DTWD2: variants seen among roughly 807,000 people sequenced by gnomAD.
DTWD2 encodes tRNA-uridine aminocarboxypropyltransferase 2.
DTWD2 carries 39 observed loss-of-function variants against 31.8 expected under a neutral mutation model. That is an observed-to-expected ratio of 1.22 (90% CI 0.95 to 1.60). The LOEUF is 1.60. Ranked by LOEUF, DTWD2 falls within the 40% of genes most tolerant of loss-of-function variation. The pLI, the probability that DTWD2 is intolerant of heterozygous loss-of-function variation, is 0.00. For missense variants in DTWD2, 515 were observed against 381.5 expected (o/e 1.35, Z -2.92); for synonymous variants, 180 against 142.8 (o/e 1.26, Z -1.86).
intron 4 of DTWD2, among the ~76,000 whole-genome samples, chr5:118,852,628 A>T (rs1429576302): frequency 1.3e-5 from 2 of 152,210 alleles, no homozygotes. Flanking sequence ...TGGGAATGTA[A>T]ATTAATTCAG....
intron 1 of DTWD2, among the ~76,000 whole-genome samples, chr5:118,975,110 G>A (rs1755120159): frequency 6.6e-6 from 1 of 152,164 alleles, no homozygotes; most frequent in South Asian, 2.1e-4. Context: ...ATAATATCCT[G>A]AAGAGTGTTT....
chr5:118,903,671 T>C lies in DTWD2; in HGVS notation c.597+24866A>G, dbSNP rs536969580. On this transcript the variant is annotated intron_variant, in intron 4 of 5. Transcript: ENST00000510708. ...CCCACATATGTTCTTTAAAAGCTCATTAAGTATTACAAACATTATGTTCCG... is the reference window on the plus strand; with the variant it reads ...CCCACATATGTTCTTTAAAAGCTCACTAAGTATTACAAACATTATGTTCCG... 3.3e-5 allele frequency among the ~76,000 whole-genome samples: 5 copies of C among 152,076 alleles called. No individual in the cohort carries two copies. The East Asian group carries it at 9.6e-4, about 29-fold the overall frequency.
chr5:118,934,398 T>C (rs908304541), intron 3 of DTWD2, among the ~76,000 whole-genome samples: 5 of 150,564 alleles, frequency 3.3e-5, no homozygotes, highest in Admixed American at 6.6e-5. Context: ...TCCCTTATTA[T>C]CTAAAAGTAA....
At chr5:118,922,953 C>A (rs1448133880) in intron 4 of DTWD2, among the ~76,000 whole-genome samples, 1 of 152,040 alleles carries the variant, frequency 6.6e-6, no homozygotes, top group East Asian at 1.9e-4. Context: ...TTTTTGAGAA[C>A]TCCTCAAAAG....
intron 4 of DTWD2, among the ~76,000 whole-genome samples, chr5:118,880,582 A>T (rs1752719221): frequency 6.6e-6 from 1 of 152,170 alleles, no homozygotes; most frequent in Non-Finnish European, 1.5e-5. Context: ...CTACAAACAC[A>T]TACCACTGGA....
intron 3 of DTWD2, among the ~76,000 whole-genome samples, chr5:118,932,862 T>C (rs1367349275): frequency 6.6e-6 from 1 of 152,128 alleles, no homozygotes; most frequent in Non-Finnish European, 1.5e-5. Flanking sequence ...TATTTTATTA[T>C]GGCAGTCCTA....
chr5:118,851,779 T>C (rs1752012664), intron 4 of DTWD2, among the ~76,000 whole-genome samples: 1 of 150,782 alleles, frequency 6.6e-6, no homozygotes, highest in Non-Finnish European at 1.5e-5. Context: ...ACATGGCACA[T>C]GTATACATAT....
chr5:118,928,799 A>G (rs964350120), intron 3 of DTWD2, 70 bp from the exon 4 acceptor site: 2 of 1,270,610 alleles, frequency 1.6e-6, no homozygotes, highest in African/African-American at 3.0e-5. Context: ...TGCTTACTGA[A>G]TTTCCTAATA....
intron 4 of DTWD2, among the ~76,000 whole-genome samples, chr5:118,926,631 A>G (rs1392260490): frequency 6.6e-6 from 1 of 152,258 alleles, no homozygotes; most frequent in Admixed American, 6.5e-5. Context: ...ACTTTAACCC[A>G]AAATAATGGG....
intron 4 of DTWD2, among the ~76,000 whole-genome samples, chr5:118,865,129 T>C (rs554296802): frequency 1.3e-5 from 2 of 152,282 alleles, no homozygotes; most frequent in African/African-American, 4.8e-5. Flanking sequence ...AAGTGAGTAC[T>C]TACAATTTCT....
intron 4 of DTWD2, among the ~76,000 whole-genome samples, chr5:118,874,397 A>G (rs142107130): frequency 3.9e-4 from 60 of 152,330 alleles, no homozygotes; most frequent in African/African-American, 1.4e-3. Context: ...TAGAATATGA[A>G]TATGAACAAA....
intron 4 of DTWD2, among the ~76,000 whole-genome samples, chr5:118,879,561 G>T (rs2149553601): frequency 7.2e-6 from 1 of 138,664 alleles, no homozygotes; most frequent in Admixed American, 8.1e-5. Context: ...AGTGAGCCAA[G>T]ATCGCACCAC....
chr5:118,898,187 G>T (rs1403806985), intron 4 of DTWD2, among the ~76,000 whole-genome samples: 1 of 152,050 alleles, frequency 6.6e-6, no homozygotes, highest in Admixed American at 6.6e-5. Context: ...CTTAATCCCA[G>T]TCTTTTATAT....
intron 4 of DTWD2, among the ~76,000 whole-genome samples, chr5:118,877,711 T>C (rs969630402): frequency 2.6e-5 from 4 of 151,908 alleles, no homozygotes; most frequent in African/African-American, 9.7e-5. Context: ...GAGAAAGAAA[T>C]AAAGGGCATC....
chr5:118,985,490 T>TTTTATATATA (rs139994443), intron 1 of DTWD2, among the ~76,000 whole-genome samples: 2 of 95,418 alleles, frequency 2.1e-5, no homozygotes, highest in Non-Finnish European at 4.4e-5. Context: ...ATGTGCATTT[T>TTTTATATATA]TATATATATA....
intron 2 of DTWD2, among the ~76,000 whole-genome samples, chr5:118,941,715 A>C (rs1754206211): frequency 6.6e-6 from 1 of 152,186 alleles, no homozygotes; most frequent in Admixed American, 6.5e-5. Flanking sequence ...GGCTGGGTCA[A>C]ATGGTATTTC....
At chr5:118,872,270 T>C (rs1257814256) in intron 4 of DTWD2, among the ~76,000 whole-genome samples, 1 of 152,270 alleles carries the variant, frequency 6.6e-6, no homozygotes. Flanking sequence ...ATGTGTTCAC[T>C]GGAGTAACAC....
At chr5:118,841,504 C>A (rs1046519126) in intron 5 of DTWD2, among the ~76,000 whole-genome samples, 2 of 152,118 alleles carry the variant, frequency 1.3e-5, no homozygotes, top group African/African-American at 4.8e-5. Flanking sequence ...CTTACTGACA[C>A]CTGACAACAA....
intron 4 of DTWD2, among the ~76,000 whole-genome samples, chr5:118,894,402 A>C (rs1357039960): frequency 2.1e-4 from 32 of 152,206 alleles, no homozygotes; most frequent in Non-Finnish European, 2.9e-5. Context: ...TTGATCAAAA[A>C]AAGAGAAAGA....
Sources: allele counts gnomAD v4.1 joint callset (sites outside exome capture counted in the v4.1 genomes callset), GRCh38; gene constraint gnomAD v4.1.1; transcripts MANE v1.5; gene names NCBI Gene and HGNC (gene_info 2026-07-23, HGNC 2026-07-21).